Variants in CACNB4 observed in about 807,000 individuals in gnomAD.
The protein encoded by CACNB4 is voltage-dependent L-type calcium channel subunit beta-4.
Under a neutral mutation model 71.2 loss-of-function variants are expected in CACNB4, and 32 were observed. The ratio of observed to expected loss-of-function variants is 0.45; its 90% CI spans 0.34 to 0.60. The LOEUF (loss-of-function observed/expected upper bound fraction) is 0.60. Ranked by LOEUF, CACNB4 falls within the 20% of genes least tolerant of loss-of-function variation. The pLI is 0.01. For synonymous variants in CACNB4, 231 were observed against 236.9 expected (o/e 0.97, Z 0.23); for missense variants, 464 against 647.9 (o/e 0.72, Z 3.08).
chr2:151,923,846 T>G (rs2099859553), intron 2 of CACNB4, among the ~76,000 whole-genome samples: 1 of 152,156 alleles, frequency 6.6e-6, no homozygotes, highest in South Asian at 2.1e-4. Context: ...TGTTTCCTGA[T>G]TTCATGGACC....
At chr2:151,895,099 CACACACACACACACACA>C (rs2099851703) in intron 2 of CACNB4, among the ~76,000 whole-genome samples, 14 of 19,166 alleles carry the variant, frequency 7.3e-4, no homozygotes, top group African/African-American at 3.6e-3. Context: ...AATAGCCCCA[CACACACACACACACACA>C]CACACACACA....
chr2:151,856,397 G>A (rs966624925), intron 10 of CACNB4, among the ~76,000 whole-genome samples: 2 of 151,824 alleles, frequency 1.3e-5, no homozygotes, highest in African/African-American at 4.8e-5. Context: ...TCTACCTCCC[G>A]GGTTCAAGTG....
intron 2 of CACNB4, among the ~76,000 whole-genome samples, chr2:152,037,286 T>C (rs1300193709): frequency 6.6e-6 from 1 of 152,222 alleles, no homozygotes. Context: ...TACCTAATAA[T>C]ATAACAAGAC....
At chr2:151,940,980 C>T (rs888158969) in intron 2 of CACNB4, among the ~76,000 whole-genome samples, 1 of 152,260 alleles carries the variant, frequency 6.6e-6, no homozygotes, top group Non-Finnish European at 1.5e-5. Flanking sequence ...GTGCTACTTC[C>T]TCATCCAGAA....
intron 9 of CACNB4, chr2:151,868,086 C>A (rs2151396310): frequency 6.6e-6 from 1 of 152,266 alleles, no homozygotes; most frequent in South Asian, 2.1e-4. Flanking sequence ...ACCCAATTAT[C>A]CAGAAAGCTT....
At chr2:151,875,653 C>T (rs1258319290) in intron 5 of CACNB4, among the ~76,000 whole-genome samples, 6 of 131,432 alleles carry the variant, frequency 4.6e-5, no homozygotes, top group South Asian at 2.6e-4. Flanking sequence ...CCGGACGGGG[C>T]GGCTGGCCGG....
intron 2 of CACNB4, among the ~76,000 whole-genome samples, chr2:151,896,553 C>A (rs895542995): frequency 2.6e-5 from 4 of 152,136 alleles, no homozygotes; most frequent in African/African-American, 9.7e-5. Context: ...CCACACGATA[C>A]CCACCCCTCC....
At chr2:152,083,906 T>G (rs1687504458) in intron 2 of CACNB4, among the ~76,000 whole-genome samples, 1 of 152,222 alleles carries the variant, frequency 6.6e-6, no homozygotes, top group South Asian at 2.1e-4. Flanking sequence ...GCACTAACTT[T>G]GAAAACGCTT....
chr2:152,027,847 C>T (rs1480505303), intron 2 of CACNB4, among the ~76,000 whole-genome samples: 8 of 89,978 alleles, frequency 8.9e-5, no homozygotes, highest in South Asian at 1.2e-3. Flanking sequence ...AGTGAGACTC[C>T]GTCTCAAAAA....
intron 2 of CACNB4, among the ~76,000 whole-genome samples, chr2:151,934,379 T>C (rs968381100): frequency 6.6e-6 from 1 of 152,158 alleles, no homozygotes; most frequent in Non-Finnish European, 1.5e-5. Context: ...GTGGGCAAAG[T>C]ATGGCAGAGT....
chr2:151,878,628 A>ATTAGCTAATGTAGTG, intron 4 of CACNB4, among the ~76,000 whole-genome samples: 1 of 151,660 alleles, frequency 6.6e-6, no homozygotes, highest in South Asian at 2.1e-4. Context: ...GTACTACACA[A>ATTAGCTAATGTAGTG]TACTACACCA....
intron 7 of CACNB4, 52 bp from the exon 8 acceptor site, chr2:151,870,663 C>G (rs2099844393): frequency 7.1e-7 from 1 of 1,406,540 alleles, no homozygotes; most frequent in African/African-American, 1.4e-5. Context: ...GCATGCCTCT[C>G]CACAGCCACA....
chr2:152,065,698 C>CT (rs555145984), intron 2 of CACNB4, among the ~76,000 whole-genome samples: 358 of 152,262 alleles, frequency 2.4e-3, no homozygotes, highest in Non-Finnish European at 3.9e-3. Context: ...TCCACTTGTC[C>CT]TTTCCTCAGG....
At chr2:152,067,023 C>T (rs1169448554) in intron 2 of CACNB4, among the ~76,000 whole-genome samples, 35 of 145,042 alleles carry the variant, frequency 2.4e-4, no homozygotes, top group African/African-American at 7.9e-4. Flanking sequence ...AGGGATAGCA[C>T]TGGGAGATAT....
intron 2 of CACNB4, among the ~76,000 whole-genome samples, chr2:151,886,761 C>T (rs2099849461): frequency 6.6e-6 from 1 of 152,020 alleles, no homozygotes; most frequent in Non-Finnish European, 1.5e-5. Flanking sequence ...CCACATGTGG[C>T]CCATAGACAT....
intron 2 of CACNB4, among the ~76,000 whole-genome samples, chr2:151,936,572 T>C (rs2099862968): frequency 6.6e-6 from 1 of 152,278 alleles, no homozygotes; most frequent in Non-Finnish European, 1.5e-5. Context: ...ATTTCAGCTC[T>C]GTGTATGAAC....
At chr2:151,961,750 G>C (rs1560075235) in intron 2 of CACNB4, among the ~76,000 whole-genome samples, 1 of 152,030 alleles carries the variant, frequency 6.6e-6, no homozygotes, top group African/African-American at 2.4e-5. Flanking sequence ...AATTAGCCAG[G>C]CATGATGGCA....
chr2:152,084,149 G>A (rs1012585293), intron 2 of CACNB4, among the ~76,000 whole-genome samples: 1 of 152,170 alleles, frequency 6.6e-6, no homozygotes, highest in African/African-American at 2.4e-5. Flanking sequence ...GCAGTTCGGG[G>A]CAGAGGCTGA....
At chr2:152,058,658 T>C (rs544426781) in intron 2 of CACNB4, among the ~76,000 whole-genome samples, 97 of 152,292 alleles carry the variant, frequency 6.4e-4, no homozygotes, top group African/African-American at 2.3e-3. Context: ...TTTGGAAAAT[T>C]TGCAGCCTGA....
Sources: gnomAD v4.1 joint callset for allele counts (sites outside exome capture counted in the v4.1 genomes callset) on GRCh38, gnomAD v4.1.1 for gene constraint, MANE v1.5 for transcripts, NCBI Gene and HGNC (gene_info 2026-07-23, HGNC 2026-07-21) for gene names.